The following FRMPD1 variants were observed in gnomAD, a reference collection of about 807,000 sequenced individuals.
FRMPD1 encodes the protein FERM and PDZ domain containing 1, also known as FERM and PDZ domain-containing protein 1.
Under a neutral mutation model 117.8 loss-of-function variants are expected in FRMPD1, and 76 were observed. That is an observed-to-expected ratio of 0.65 (90% CI 0.54 to 0.78). The LOEUF is 0.78. FRMPD1 is among the 30% of genes least tolerant of loss of function. The probability of loss-of-function intolerance (pLI) is 0.00; values close to 1 mark genes in which losing one functional copy is unlikely to be tolerated. For synonymous variants in FRMPD1, 783 were observed against 770.4 expected (o/e 1.02, Z -0.27); for missense variants, 1,786 against 1,964.5 (o/e 0.91, Z 1.72).
rs866932127 is a variant in FRMPD1 at position 37,707,546 on chromosome 9, C to T, written c.232C>T (p.Pro78Ser). 6.2e-7 allele frequency: 1 copy of T among 1,613,994 alleles called. No individual in the cohort carries two copies. Among genetic ancestry groups the T allele is most frequent in the South Asian group, 1.1e-5 (1 of 91,030 alleles). Residue 78 changes from proline (P) to serine (S), a missense_variant, in exon 3 of 16, where the codon CCC becomes TCC. Pro to Ser is a moderately conservative substitution (Grantham distance 74, BLOSUM62 -1). Transcript: ENST00000377765. The part of the protein sequence containing the change: ...DYGFHISESL[P>S]LTVVAVTAGG... ...TGGATTTCACATTTCTGAGAGCCTT[C>T]CCCTTACAGTGGTGGCTGTCACAGC...
At chr9:37,618,797 A>G in the FRMPD1 span, among the ~76,000 whole-genome samples, 1 of 152,278 alleles carries the variant, frequency 6.6e-6, no homozygotes, top group East Asian at 1.9e-4. Context: ...GTCTCTGACT[A>G]GAGAAATCTT....
chr9:37,667,911 T>C (rs1012004214), intron 1 of FRMPD1: 3 of 152,194 alleles, frequency 2.0e-5, no homozygotes, highest in Admixed American at 6.5e-5. Flanking sequence ...CATTTCCCCA[T>C]CTGTTAAGGG....
the FRMPD1 span, among the ~76,000 whole-genome samples, chr9:37,603,341 T>TAAGTA: frequency 6.6e-6 from 1 of 151,710 alleles, no homozygotes; most frequent in Admixed American, 6.6e-5. Flanking sequence ...AGGAAGGAGG[T>TAAGTA]AAGTGTGTGT....
chr9:37,607,707 A>G, the FRMPD1 span, among the ~76,000 whole-genome samples: 1 of 152,206 alleles, frequency 6.6e-6, no homozygotes, highest in Non-Finnish European at 1.5e-5. Flanking sequence ...AGCCTGTCAT[A>G]GATATTAAGG....
the FRMPD1 span, among the ~76,000 whole-genome samples, chr9:37,635,513 T>A: frequency 6.6e-6 from 1 of 152,230 alleles, no homozygotes; most frequent in African/African-American, 2.4e-5. Context: ...CTTTTCCATC[T>A]TTCCCCAAGT....
intron 1 of FRMPD1, among the ~76,000 whole-genome samples, chr9:37,673,060 T>G (rs1821409183): frequency 1.3e-5 from 2 of 152,064 alleles, no homozygotes; most frequent in Admixed American, 1.3e-4. Context: ...TTCCCCAAAG[T>G]CTTAATTCAT....
chr9:37,741,333 A>G (rs966863808), intron 15 of FRMPD1, among the ~76,000 whole-genome samples: 5 of 151,836 alleles, frequency 3.3e-5, no homozygotes, highest in African/African-American at 1.2e-4. Flanking sequence ...CTGGGGTCCA[A>G]GGGACCCTGA....
chr9:37,635,066 C>A, the FRMPD1 span, among the ~76,000 whole-genome samples: 4 of 152,184 alleles, frequency 2.6e-5, no homozygotes, highest in African/African-American at 9.6e-5. Context: ...AGACATTGAT[C>A]CATTGTCTTT....
rs761022584 is a variant in FRMPD1 at position 37,735,705 on chromosome 9, G to A, written c.1372G>A (p.Val458Ile). The A allele has an allele frequency of 9.4e-5, 151 of 1,613,568 alleles. No homozygotes were observed. The highest frequency in any genetic ancestry group is 1.6e-4 in the Middle Eastern group (1 of 6,082). Reference protein sequence around the residue: ...ELTEESEKVSVVKVYLQDVKV... With the variant: ...ELTEESEKVSIVKVYLQDVKV... ...AACGGAAGAGTCTGAGAAAGTGAGC[G>A]TCGTCAAAGTGTATCTTCAGGACGT... Residue 458 changes from valine (V) to isoleucine (I), a missense_variant, in exon 13 of 16, where the codon GTC becomes ATC. By Grantham distance (29) the Val-to-Ile change is conservative. Coordinates refer to ENST00000377765, the MANE Select transcript of FRMPD1 (RefSeq NM_014907.3).
chr9:37,704,403 AT>A (rs754625725), intron 2 of FRMPD1, among the ~76,000 whole-genome samples: 29 of 151,994 alleles, frequency 1.9e-4, no homozygotes, highest in Non-Finnish European at 3.8e-4. Context: ...TATTTCACTT[AT>A]TTTTTTCCTG....
At chr9:37,618,437 A>G in the FRMPD1 span, among the ~76,000 whole-genome samples, 1 of 151,696 alleles carries the variant, frequency 6.6e-6, no homozygotes, top group African/African-American at 2.4e-5. Context: ...GGAATACTAC[A>G]CTCATCCCGA....
Position 37,719,310 on chromosome 9 carries a change from C to T in FRMPD1, c.516+134C>T, listed in dbSNP as rs754922166. 26 of 642,186 alleles carry T rather than the reference C, an allele frequency of 4.0e-5. 1 individual carries two copies. In the Middle Eastern group the frequency reaches 2.8e-3, roughly 70 times the overall value. 39.8% of individuals were successfully genotyped at this position (642,186 alleles called of 1,614,324 possible). ...CAGTGTGTTTGCAAGAGGCTTTGTG[C>T]GCCCTCCCAGTCAGATGCCTGCAGA... On this transcript the variant is annotated intron_variant, in intron 6 of 15. Transcript: ENST00000377765.
At chr9:37,703,429 T>C (rs1326981211) in intron 2 of FRMPD1, among the ~76,000 whole-genome samples, 2 of 152,244 alleles carry the variant, frequency 1.3e-5, no homozygotes, top group African/African-American at 4.8e-5. Context: ...ATGTGAAATG[T>C]GGGTATCTAC....
At chr9:37,658,539 G>A (rs558256988) in intron 1 of FRMPD1, among the ~76,000 whole-genome samples, 1 of 152,282 alleles carries the variant, frequency 6.6e-6, no homozygotes, top group South Asian at 2.1e-4. Context: ...GTACAAAATC[G>A]AGATGTTGGT....
intron 1 of FRMPD1, among the ~76,000 whole-genome samples, chr9:37,688,106 T>A: frequency 6.6e-6 from 1 of 152,074 alleles, no homozygotes; most frequent in Non-Finnish European, 1.5e-5. Flanking sequence ...TAATTTTCAA[T>A]GTGATGGATT....
chr9:37,603,880 A>G, the FRMPD1 span, among the ~76,000 whole-genome samples: 3 of 152,040 alleles, frequency 2.0e-5, no homozygotes, highest in Non-Finnish European at 4.4e-5. Flanking sequence ...GGGTTTCTCC[A>G]TTTTGGCCAG....
In FRMPD1 at chr9:37,733,615, C is replaced by G. The variant is rs766108689; in HGVS notation, c.1122+16C>G. ...CCGACAGAAGGTAATGAAGGTGCCT[C>G]TGCCGACCCACTCAGCTGTCGTCTG... On this transcript the variant is annotated intron_variant, in intron 11 of 15. Transcript: ENST00000377765. The G allele has an allele frequency of 6.2e-7, 1 of 1,613,342 alleles. No homozygotes were observed. Among genetic ancestry groups the G allele is most frequent in the South Asian group, 1.1e-5 (1 of 90,976 alleles).
In FRMPD1 at chr9:37,724,183, T is replaced by TA. The variant is rs558807322; in HGVS notation, c.517-35dup. 337 of 1,030,180 alleles carry TA rather than the reference T, an allele frequency of 3.3e-4. 4 individuals carry two copies. In the South Asian group the frequency reaches 3.6e-3, roughly 11 times the overall value. The allele number at this position is 1,030,180 out of a possible 1,614,324, so 63.8% of individuals were successfully genotyped here. The stretch of plus-strand genomic sequence containing the variant: ...AGAGAGACCCTGTCTCCAGAAGGAA[T>TA]AAAAAAAGACAGGGATACAACAATA... On this transcript the variant is annotated intron_variant, in intron 6 of 15. Coordinates refer to ENST00000377765, the MANE Select transcript of FRMPD1 (RefSeq NM_014907.3).
Position 37,746,456 on chromosome 9 carries a change from A to C in FRMPD1, c.4424A>C (p.His1475Pro). The change falls in exon 16 of 16, where the codon CAT becomes CCT. Residue 1475 changes from histidine to proline, a missense_variant. His to Pro is a moderately conservative substitution (Grantham distance 77, BLOSUM62 -2). Coordinates refer to ENST00000377765, the MANE Select transcript of FRMPD1 (RefSeq NM_014907.3). ...CAGAAGCTCCTGTCGAGCTGTCGGC[A>C]TGTGATCAGAATGGACCAGTCCCCC... ...GSQKLLSSCR[H>P]VIRMDQSPEE... 6 of 1,613,740 alleles carry C rather than the reference A, an allele frequency of 3.7e-6. No individual in the cohort carries two copies. The highest frequency in any genetic ancestry group is 5.1e-6 in the Non-Finnish European group (6 of 1,180,032).
Sources: gnomAD v4.1 joint callset for allele counts (sites outside exome capture counted in the v4.1 genomes callset) on GRCh38, gnomAD v4.1.1 for gene constraint, MANE v1.5 for transcripts, NCBI Gene and HGNC (gene_info 2026-07-23, HGNC 2026-07-21) for gene names.